DMD: variants seen among roughly 807,000 people sequenced by gnomAD.
The protein encoded by DMD is dystrophin, also known as mutant dystrophin.
Under a neutral mutation model 330.1 loss-of-function variants are expected in DMD, and 63 were observed. The ratio of observed to expected loss-of-function variants is 0.19; its 90% CI spans 0.16 to 0.24. The LOEUF is 0.24. Among genes scored for constraint, DMD ranks in the 10% least tolerant of loss-of-function variants. DMD has a pLI of 1.00. For missense variants in DMD, 3,344 were observed against 2,684.1 expected (o/e 1.25, Z -5.43); for synonymous variants, 1,223 against 959.8 (o/e 1.27, Z -5.07).
intron 41 of DMD, among the ~76,000 whole-genome samples, chrX:32,328,769 GAAGA>G (rs752879781): frequency 2.6e-4 from 29 of 110,189 alleles, no homozygotes; most frequent in African/African-American, 7.9e-4. Flanking sequence ...AACAAAATGA[GAAGA>G]AAGAAAAAGA....
At chrX:32,586,469 T>C (rs2054302377) in intron 13 of DMD, among the ~76,000 whole-genome samples, 2 of 109,042 alleles carry the variant, frequency 1.8e-5, no homozygotes, top group Non-Finnish European at 3.8e-5. Flanking sequence ...ATATTATATA[T>C]ATTTGTACTT....
At chrX:33,278,211 A>G (rs780419488) in intron 1 of DMD, among the ~76,000 whole-genome samples, 4 of 111,805 alleles carry the variant, frequency 3.6e-5, no homozygotes, top group Non-Finnish European at 7.5e-5. Flanking sequence ...TCCAGGGGGT[A>G]TATATGCAGG....
chrX:32,484,727 A>G (rs1032837619), intron 21 of DMD, among the ~76,000 whole-genome samples, 192 bp downstream of exon 21: 1 of 112,197 alleles, frequency 8.9e-6, no homozygotes, highest in Non-Finnish European at 1.9e-5. Context: ...AAGTCACAAA[A>G]TTATTATGAG....
rs200872948 is a variant in DMD at position 32,491,282 on chromosome X, A to C, written c.2617T>G (p.Cys873Gly). 2 of 1,210,532 alleles carry C rather than the reference A, an allele frequency of 1.7e-6. No homozygotes were observed. Among genetic ancestry groups the C allele is most frequent in the African/African-American group, 1.7e-5 (1 of 57,332 alleles). ...PTAIKSQLKI[C>G]KDEVNRLSDL... The stretch of plus-strand genomic sequence containing the variant: ...GAAGGAGAAGAGATTCTTACCTTAC[A>C]AATTTTTAACTGACTTTTAATTGCT... The change falls in exon 20 of 79, where the codon TGT (cysteine) becomes GGT (glycine). Residue 873 changes from cysteine (C) to glycine (G), a missense_variant. Cys to Gly is a radical substitution (Grantham distance 159). Coordinates refer to ENST00000357033, the MANE Select transcript of DMD (RefSeq NM_004006.3).
At chrX:32,289,779 A>T (rs771127091) in intron 42 of DMD, among the ~76,000 whole-genome samples, 3 of 111,321 alleles carry the variant, frequency 2.7e-5, no homozygotes, top group Non-Finnish European at 3.8e-5. Context: ...AAATGGGAGA[A>T]ACCCTCAGTT....
At chrX:31,569,695 ACT>A (rs2075710307) in intron 55 of DMD, among the ~76,000 whole-genome samples, 1 of 84,370 alleles carries the variant, frequency 1.2e-5, no homozygotes, top group Non-Finnish European at 2.5e-5. Context: ...AATTCTTCAG[ACT>A]CTCCTTTGAA....
intron 43 of DMD, among the ~76,000 whole-genome samples, chrX:32,254,911 G>A (rs774459103): frequency 1.8e-5 from 2 of 111,698 alleles, no homozygotes; most frequent in African/African-American, 6.5e-5. Context: ...ACATTCACAT[G>A]GATATGTAAA....
chrX:32,616,587 T>C (rs1273607493), intron 11 of DMD, among the ~76,000 whole-genome samples: 1 of 109,825 alleles, frequency 9.1e-6, no homozygotes, highest in African/African-American at 3.3e-5. Flanking sequence ...CCGTGGAGTT[T>C]AGCATGTTCT....
chrX:32,119,608 G>A (rs909955360), intron 44 of DMD, among the ~76,000 whole-genome samples: 1 of 111,010 alleles, frequency 9.0e-6, no homozygotes, highest in Non-Finnish European at 1.9e-5. Context: ...TAGGATCTCC[G>A]GTGTACCCTC....
intron 44 of DMD, among the ~76,000 whole-genome samples, chrX:32,203,258 ATC>A (rs988415872): frequency 8.9e-6 from 1 of 112,459 alleles, no homozygotes; most frequent in African/African-American, 3.2e-5. Flanking sequence ...TTATGTATCT[ATC>A]TCTCCCTGCA....
chrX:32,576,389 C>T (rs749155714), intron 13 of DMD, among the ~76,000 whole-genome samples: 1 of 110,733 alleles, frequency 9.0e-6, no homozygotes, highest in African/African-American at 3.3e-5. Flanking sequence ...CATATTTGAA[C>T]TGCCACCATA....
intron 29 of DMD, among the ~76,000 whole-genome samples, chrX:32,436,509 CA>C (rs1603633444): frequency 9.0e-6 from 1 of 111,335 alleles, no homozygotes; most frequent in African/African-American, 3.3e-5. Flanking sequence ...GGGGAAATGT[CA>C]GGGTTTATAC....
At chrX:32,092,558 T>C (rs1244058835) in intron 44 of DMD, among the ~76,000 whole-genome samples, 1 of 110,945 alleles carries the variant, frequency 9.0e-6, no homozygotes, top group African/African-American at 3.3e-5. Context: ...ATCTCATTTA[T>C]TTCATTTATC....
Position 31,348,589 on chromosome X carries a change from C to A in DMD, c.9130G>T (p.Asp3044Tyr). 8.3e-7 allele frequency: 1 copy of A among 1,211,340 alleles called. No individual in the cohort carries two copies. The highest frequency in any genetic ancestry group is 1.1e-6 in the Non-Finnish European group (1 of 895,264). Residue 3044 changes from aspartate (D) to tyrosine (Y), a missense_variant, in exon 61 of 79, where the codon GAC (aspartate) becomes TAC (tyrosine). Transcript: ENST00000357033. Reference sequence around the variant, plus strand: ...AAGTGCTGAGATGCTGGACCAAAGTCCCTGTGGGCTTCATGCAGCTGCCTG... The same window carrying A: ...AAGTGCTGAGATGCTGGACCAAAGTACCTGTGGGCTTCATGCAGCTGCCTG... ...RVRQLHEAHRDFGPASQHFLS... is the reference protein window; with the variant it reads ...RVRQLHEAHRYFGPASQHFLS...
intron 47 of DMD, among the ~76,000 whole-genome samples, chrX:31,899,874 G>T (rs1030525215): frequency 5.8e-4 from 64 of 111,092 alleles, no homozygotes; most frequent in African/African-American, 2.1e-3. Flanking sequence ...GATCCCAGTG[G>T]TACAAACATC....
At chrX:31,636,359 G>C (rs185288795) in intron 54 of DMD, among the ~76,000 whole-genome samples, 1 of 111,703 alleles carries the variant, frequency 9.0e-6, no homozygotes, top group African/African-American at 3.2e-5. Flanking sequence ...TTAAGAAAAA[G>C]CCATTTTATA....
intron 43 of DMD, among the ~76,000 whole-genome samples, chrX:32,270,257 A>C (rs2097360596): frequency 8.9e-6 from 1 of 112,232 alleles, no homozygotes; most frequent in Admixed American, 9.5e-5. Context: ...CTATTTTTAC[A>C]GGGGGCATTA....
chrX:32,302,233 C>G (rs1484475510), intron 42 of DMD, among the ~76,000 whole-genome samples: 1 of 111,108 alleles, frequency 9.0e-6, no homozygotes, highest in Non-Finnish European at 1.9e-5. Context: ...TAAAATAGGT[C>G]TTGTGTTCTA....
In DMD at chrX:32,154,750, A is replaced by C. The variant is rs192486286; in HGVS notation, c.6438+62166T>G. Among the ~76,000 whole-genome samples, 10 of 111,614 alleles carry C rather than the reference A, an allele frequency of 9.0e-5. No individual in the cohort carries two copies. The East Asian group carries it at 2.0e-3, about 22-fold the overall frequency. On this transcript the variant is annotated intron_variant, in intron 44 of 78. Transcript: ENST00000357033. The stretch of plus-strand genomic sequence containing the variant: ...GAAAGAGAGAAAATTTAATGTAAGC[A>C]CTGATACTAAAAGTTAATTGCCGTC...
Sources: gnomAD v4.1 joint callset for allele counts (sites outside exome capture counted in the v4.1 genomes callset) on GRCh38, gnomAD v4.1.1 for gene constraint, MANE v1.5 for transcripts, NCBI Gene and HGNC (gene_info 2026-07-23, HGNC 2026-07-21) for gene names.